The following ANP32E variants were observed in gnomAD, a reference collection of about 807,000 sequenced individuals.
ANP32E encodes acidic nuclear phosphoprotein 32 family member E, also known as acidic leucine-rich nuclear phosphoprotein 32 family member E.
A neutral mutation model predicts 35.3 loss-of-function variants in ANP32E; 14 were observed. The ratio of observed to expected loss-of-function variants is 0.40; its 90% confidence interval spans 0.26 to 0.62. The LOEUF is 0.62. Ranked by LOEUF, ANP32E falls within the 20% of genes least tolerant of loss-of-function variation. The probability of loss-of-function intolerance (pLI) is 0.45; values close to 1 mark genes in which losing one functional copy is unlikely to be tolerated. For synonymous variants in ANP32E, 89 were observed against 110.4 expected (o/e 0.81, Z 1.22); for missense variants, 198 against 304.4 (o/e 0.65, Z 2.60).
rs587597519 is a variant in ANP32E at position 150,234,320 on chromosome 1, C to G, written c.54+1413G>C. Among the ~76,000 whole-genome samples the G allele has an allele frequency of 4.0e-5, 6 of 151,568 alleles. No homozygotes were observed. The East Asian group carries it at 9.7e-4, about 24-fold the overall frequency. ...TGGTTTTTTTATTTTTTTCCTGAAGCCTCTAAGAATAAGCTCTAGAAACTT... is the reference window on the plus strand; with the variant it reads ...TGGTTTTTTTATTTTTTTCCTGAAGGCTCTAAGAATAAGCTCTAGAAACTT... On this transcript the variant is annotated intron_variant, in intron 1 of 6. Transcript: ENST00000583931.
intron 4 of ANP32E, among the ~76,000 whole-genome samples, chr1:150,228,460 G>T (rs10888576): frequency 6.6e-6 from 1 of 151,958 alleles, no homozygotes; most frequent in Non-Finnish European, 1.5e-5. Flanking sequence ...AGGAGGCTGA[G>T]GCAGGTGGAT....
intron 4 of ANP32E, among the ~76,000 whole-genome samples, chr1:150,227,827 CAAT>C (rs1487797894): frequency 2.5e-5 from 3 of 119,830 alleles, no homozygotes; most frequent in Non-Finnish European, 5.7e-5. Context: ...AGTTTTCACT[CAAT>C]AATAATGAGC....
Position 150,220,704 on chromosome 1 carries a change from T to A in ANP32E, c.794A>T (p.Glu265Val). The A allele has an allele frequency of 2.5e-6, 4 of 1,614,018 alleles. No individual in the cohort carries two copies. The highest frequency in any genetic ancestry group is 3.4e-6 in the Non-Finnish European group (4 of 1,179,930). Reference sequence around the variant, plus strand: ...TCTTAGAATGATCTAGTCATCTTCTTCCTCTCCATCGTCTTCAGCATCTCG... The same window carrying A: ...TCTTAGAATGATCTAGTCATCTTCTACCTCTCCATCGTCTTCAGCATCTCG... ...RKRDAEDDGE[E>V]EDD Residue 265 changes from glutamate (E) to valine (V), a missense_variant, in exon 7 of 7, where the codon GAA becomes GTA. Physicochemically the swap from Glu to Val is moderately radical, Grantham distance 121. Transcript: ENST00000583931.
rs1553843200 is a variant in ANP32E at position 150,235,793 on chromosome 1, C to T, written c.-7G>A. 1.3e-6 allele frequency: 2 copies of T among 1,586,452 alleles called. No individual in the cohort carries two copies. The highest frequency in any genetic ancestry group is 2.3e-5 in the East Asian group (1 of 44,104). On this transcript the variant is annotated 5_prime_UTR_variant, in exon 1 of 7. Coordinates refer to ENST00000583931, the MANE Select transcript of ANP32E (RefSeq NM_030920.5). The surrounding 1 kb of genome is among the most constrained non-coding windows in gnomAD (Gnocchi z 4.2). ...TCTTCTTCTTCATCTCCATGTCCTC[C>T]TCTTGCTCTTCAGCTACTACTCTCC...
intron 6 of ANP32E, among the ~76,000 whole-genome samples, chr1:150,222,228 T>G (rs1298869021): frequency 6.7e-6 from 1 of 149,942 alleles, no homozygotes; most frequent in Non-Finnish European, 1.5e-5. Context: ...AGAGCAACCT[T>G]GCTAACACGG....
At position 150,235,996 on chromosome 1, in the gene ANP32E, C is replaced by T. The variant is rs992339826; in HGVS notation, c.-210G>A. 1 of 575,458 alleles carries T rather than the reference C, an allele frequency of 1.7e-6. No homozygotes were observed. The highest frequency in any genetic ancestry group is 3.1e-6 in the Non-Finnish European group (1 of 321,204). 35.6% of individuals were successfully genotyped at this position (575,458 alleles called of 1,614,324 possible). On this transcript the variant is annotated 5_prime_UTR_variant, in exon 1 of 7. Transcript: ENST00000583931. This position sits in a 1 kb window ranked among gnomAD's most constrained non-coding sequence, Gnocchi z 4.2. ...GGGACTCTAACTCAGCTGCCCCCAC[C>T]TCCTTGTCCACACACTAGCGCGCGC... is the stretch of plus-strand genomic sequence containing the variant.
At chr1:150,227,398 A>G (rs1648959923) in intron 4 of ANP32E, among the ~76,000 whole-genome samples, 1 of 152,176 alleles carries the variant, frequency 6.6e-6, no homozygotes, top group African/African-American at 2.4e-5. Context: ...CATACACATG[A>G]TGGAATACTA....
Position 150,226,789 on chromosome 1 carries a change from TCGCCA to T in ANP32E, c.495_499del (p.Asp165GlufsTer2). ...TTCCTCTTCCTCTTCATCATCTTCA[TCGCCA>T]TCTTTAAAAAATCATTTAAAGATGA... On this transcript the variant is annotated frameshift_variant and splice_region_variant, in exon 5 of 7. Coordinates refer to ENST00000583931, the MANE Select transcript of ANP32E (RefSeq NM_030920.5). LOFTEE classifies it high-confidence loss of function. 6.2e-7 allele frequency: 1 copy of T among 1,601,576 alleles called. No individual in the cohort carries two copies. The highest frequency in any genetic ancestry group is 8.5e-7 in the Non-Finnish European group (1 of 1,175,890).
rs1039783083 is a variant in ANP32E at position 150,218,874 on chromosome 1, A to G, written c.*1817T>C. 2.0e-5 allele frequency: 3 copies of G among 152,766 alleles called. No homozygotes were observed. The highest frequency in any genetic ancestry group is 2.0e-4 in the Admixed American group (3 of 15,294). 9.5% of individuals were successfully genotyped at this position (152,766 alleles called of 1,614,324 possible). Reference sequence around the variant, plus strand: ...TCAATATATAGATTTCATTTTAAAAATAAGTATTTTGTAATCTGGCATAGT... The same window carrying G: ...TCAATATATAGATTTCATTTTAAAAGTAAGTATTTTGTAATCTGGCATAGT... On this transcript the variant is annotated 3_prime_UTR_variant, in exon 7 of 7. Coordinates refer to ENST00000583931, the MANE Select transcript of ANP32E (RefSeq NM_030920.5).
chr1:150,228,717 C>T (rs932864974), intron 4 of ANP32E, among the ~76,000 whole-genome samples: 1 of 151,368 alleles, frequency 6.6e-6, no homozygotes, highest in Non-Finnish European at 1.5e-5. Context: ...AAAAAAATTC[C>T]GTTCATCAGT....
intron 1 of ANP32E, chr1:150,234,759 C>A: frequency 2.5e-6 from 2 of 814,862 alleles, no homozygotes; most frequent in Non-Finnish European, 3.0e-6. Flanking sequence ...CGCCTTCGCC[C>A]TGGGTAGGTG....
In ANP32E at chr1:150,229,090, C is replaced by T. The variant is rs1649126535; in HGVS notation, c.475G>A (p.Glu159Lys). 1.9e-6 allele frequency: 3 copies of T among 1,613,306 alleles called. No homozygotes were observed. The highest frequency in any genetic ancestry group is 2.5e-6 in the Non-Finnish European group (3 of 1,179,822). ...DQEDNEAPDS[E>K]EEDDEDGDED... ...CGATTACCCTCATCATCCTCCTCTT[C>T]AGAGTCCGGCGCTTCATTATCCTCC... The change falls in exon 4 of 7, where the codon GAA becomes AAA. Residue 159 changes from glutamate to lysine, a missense_variant. Physicochemically the swap from Glu to Lys is moderately conservative, Grantham distance 56 (BLOSUM62 1). Around this residue, in one of 4 missense-constraint regions of ANP32E, gnomAD observed 121 missense variants for 137.3 expected, o/e 0.88. Coordinates refer to ENST00000583931, the MANE Select transcript of ANP32E (RefSeq NM_030920.5).
intron 3 of ANP32E, 46 bp from the exon 4 acceptor site, chr1:150,229,283 T>C: frequency 9.0e-7 from 1 of 1,113,320 alleles, no homozygotes; most frequent in East Asian, 2.6e-5. Context: ...TAAAATACCA[T>C]GTTATTTCTT....
rs1378842227 is a variant in ANP32E, at chr1:150,223,380, T to C, written c.682-140A>G. On this transcript the variant is annotated intron_variant, in intron 5 of 6. Transcript: ENST00000583931. ...CCTCTGCCATTCTTATAAAGGTCCT[T>C]TTTAAAACCTAACTAAAGGGCCGGG... 1.8e-5 allele frequency: 21 copies of C among 1,191,616 alleles called. No individual in the cohort carries two copies. In the East Asian group the frequency reaches 5.6e-4, roughly 32 times the overall value. 73.8% of individuals were successfully genotyped at this position (1,191,616 alleles called of 1,614,324 possible). A position where few individuals can be genotyped will look rare whatever the true frequency, so the allele number is the denominator to read the frequency against.
chr1:150,232,367 C>A (rs1572031132), intron 1 of ANP32E, among the ~76,000 whole-genome samples: 1 of 135,846 alleles, frequency 7.4e-6, no homozygotes, highest in Non-Finnish European at 1.6e-5. Flanking sequence ...AATAACAACA[C>A]AACAGAAACC....
intron 6 of ANP32E, 126 bp downstream of exon 6, chr1:150,223,060 C>A: frequency 1.7e-6 from 2 of 1,158,768 alleles, no homozygotes; most frequent in Non-Finnish European, 2.4e-6. Flanking sequence ...AAAGCAAAAT[C>A]AAAGGGATCA....
chr1:150,229,296 T>TCC (rs1161833060), intron 3 of ANP32E, 59 bp from the exon 4 acceptor site: 5 of 797,066 alleles, frequency 6.3e-6, no homozygotes, highest in Non-Finnish European at 7.0e-6. Context: ...TATTTCTTTT[T>TCC]TCTTTTTTTT....
At position 150,235,697 on chromosome 1, in the gene ANP32E, A is replaced by T; in HGVS notation, c.54+36T>A. 6.2e-7 allele frequency: 1 copy of T among 1,612,988 alleles called. No individual in the cohort carries two copies. Among genetic ancestry groups the T allele is most frequent in the Non-Finnish European group, 8.5e-7 (1 of 1,179,360 alleles). On this transcript the variant is annotated intron_variant, in intron 1 of 6. Coordinates refer to ENST00000583931, the MANE Select transcript of ANP32E (RefSeq NM_030920.5). The surrounding 1 kb of genome is among the most constrained non-coding windows in gnomAD (Gnocchi z 4.2). ...AGAAATCCGATCCTCAGAATACTGG[A>T]CTGATGGGGAAGCGGTGGGGGCTGA...
intron 5 of ANP32E, among the ~76,000 whole-genome samples, chr1:150,224,546 C>G (rs889403515): frequency 1.3e-5 from 2 of 149,750 alleles, no homozygotes; most frequent in Non-Finnish European, 3.0e-5. Flanking sequence ...CCACTCCAGC[C>G]TGGGCGACAA....
Sources: gnomAD v4.1 joint callset for allele counts (sites outside exome capture counted in the v4.1 genomes callset) on GRCh38, gnomAD v4.1.1 for gene constraint, gnomAD v4.1.1 regional missense constraint, Gnocchi (gnomAD v3.1) non-coding constraint, MANE v1.5 for transcripts, NCBI Gene and HGNC (gene_info 2026-07-23, HGNC 2026-07-21) for gene names.